DTWD2: variants seen among roughly 807,000 people sequenced by gnomAD.
DTWD2 encodes tRNA-uridine aminocarboxypropyltransferase 2.
DTWD2 carries 39 observed loss-of-function variants against 31.8 expected under a neutral mutation model. The ratio of observed to expected loss-of-function variants is 1.22; its 90% CI spans 0.95 to 1.60. The LOEUF (loss-of-function observed/expected upper bound fraction) is 1.60, where lower values mean the gene tolerates loss of function less well. Among genes scored for constraint, DTWD2 ranks in the 40% most tolerant of loss-of-function variants. DTWD2 has a pLI of 0.00. For synonymous variants in DTWD2, 180 were observed against 142.8 expected (o/e 1.26, Z -1.86); for missense variants, 515 against 381.5 (o/e 1.35, Z -2.92).
chr5:118,925,518 T>G (rs1269096339), intron 4 of DTWD2, among the ~76,000 whole-genome samples: 1 of 152,140 alleles, frequency 6.6e-6, no homozygotes, highest in Non-Finnish European at 1.5e-5. Context: ...ACTTAAGAAT[T>G]AAGAACTCAT....
chr5:118,944,633 A>T lies in DTWD2; in HGVS notation c.235T>A (p.Cys79Ser). The T allele has an allele frequency of 1.2e-6, 2 of 1,613,408 alleles. No homozygotes were observed. The highest frequency in any genetic ancestry group is 1.7e-6 in the Non-Finnish European group (2 of 1,179,706). ...TGCGCTGGGAGAAATGGACACAAACACACTTTCTGAGGCCGGCTAAAGGGT... is the reference window on the plus strand; with the variant it reads ...TGCGCTGGGAGAAATGGACACAAACTCACTTTCTGAGGCCGGCTAAAGGGT... ...CTRCSRPQKV[C>S]LCPFLPAHPL... is the part of the protein sequence containing the mutation. Residue 79 changes from cysteine (C) to serine (S), a missense_variant, in exon 2 of 6, where the codon TGT (cysteine) becomes AGT (serine). By Grantham distance (112) the Cys-to-Ser change is moderately radical. Coordinates refer to ENST00000510708, the MANE Select transcript of DTWD2 (RefSeq NM_173666.4).
At chr5:118,966,292 T>C (rs575173279) in intron 1 of DTWD2, among the ~76,000 whole-genome samples, 3 of 152,364 alleles carry the variant, frequency 2.0e-5, no homozygotes, top group Non-Finnish European at 2.9e-5. Context: ...TAAAAAAGCA[T>C]TGAACAGTTA....
chr5:118,954,773 G>A (rs767042224), intron 1 of DTWD2, among the ~76,000 whole-genome samples: 26 of 151,940 alleles, frequency 1.7e-4, no homozygotes, highest in Admixed American at 2.6e-4. Context: ...CACCTGCTTC[G>A]GCCTCCCAAA....
At chr5:118,979,904 T>C (rs1341583132) in intron 1 of DTWD2, among the ~76,000 whole-genome samples, 1 of 152,204 alleles carries the variant, frequency 6.6e-6, no homozygotes, top group Non-Finnish European at 1.5e-5. Context: ...CTGGGCTTAA[T>C]ACCTAGGGGA....
At chr5:118,886,319 T>TA (rs1752866885) in intron 4 of DTWD2, among the ~76,000 whole-genome samples, 1 of 152,222 alleles carries the variant, frequency 6.6e-6, no homozygotes, top group Non-Finnish European at 1.5e-5. Context: ...CTTCCTCAGT[T>TA]ATCTTGTAGT....
rs552831585 is a variant in DTWD2, at chr5:118,965,745, CG to C, written c.219-21097del. Among the ~76,000 whole-genome samples, 634 of 152,156 alleles carry C rather than the reference CG, an allele frequency of 4.2e-3. 7 individuals carry two copies. Among genetic ancestry groups the C allele is most frequent in the African/African-American group, 0.014 (595 of 41,496 alleles). ...AACAGATGCCTGAAGGCAGCATGCT[CG>C]TTAAGAGTCATCACCACTCCCTAAT... On this transcript the variant is annotated intron_variant, in intron 1 of 5. Transcript: ENST00000510708.
intron 4 of DTWD2, among the ~76,000 whole-genome samples, chr5:118,852,658 G>A (rs1752037862): frequency 6.6e-6 from 1 of 152,060 alleles, no homozygotes; most frequent in Non-Finnish European, 1.5e-5. Flanking sequence ...AAAGCGGTGT[G>A]GTGATTTCTC....
At chr5:118,959,390 C>G (rs961832061) in intron 1 of DTWD2, among the ~76,000 whole-genome samples, 5 of 151,956 alleles carry the variant, frequency 3.3e-5, no homozygotes, top group Admixed American at 3.3e-4. Flanking sequence ...TATAGCTAAC[C>G]AAGGAGGTAA....
At chr5:118,988,054 C>T in intron 1 of DTWD2, 3 of 709,902 alleles carry the variant, frequency 4.2e-6, no homozygotes, top group South Asian at 3.0e-5. Flanking sequence ...CTGATGTCTG[C>T]TCATCCCATG....
chr5:118,848,037 T>TA (rs1751899767), intron 5 of DTWD2, 53 bp downstream of exon 5: 1 of 1,437,034 alleles, frequency 7.0e-7, no homozygotes, highest in African/African-American at 1.5e-5. Context: ...ATCTTCTAGG[T>TA]AAAATCTAAG....
At chr5:118,973,653 TCGCGGCAGC>T in intron 1 of DTWD2, 1 of 801,696 alleles carries the variant, frequency 1.2e-6, no homozygotes, top group African/African-American at 1.7e-5. Context: ...GCCTCCTTGC[TCGCGGCAGC>T]CTCCTTGCTC....
intron 2 of DTWD2, 29 bp downstream of exon 2, chr5:118,944,530 T>C (rs759390942): frequency 6.2e-6 from 10 of 1,601,276 alleles, no homozygotes; most frequent in Non-Finnish European, 8.6e-6. Flanking sequence ...CATATTCTAT[T>C]TGAAATCCTG....
intron 4 of DTWD2, among the ~76,000 whole-genome samples, chr5:118,895,927 T>C (rs1171286656): frequency 6.6e-6 from 1 of 152,196 alleles, no homozygotes. Context: ...ACAATTTGTT[T>C]AAGGAATAAA....
intron 4 of DTWD2, among the ~76,000 whole-genome samples, chr5:118,861,106 C>T (rs1024473459): frequency 6.6e-6 from 1 of 152,182 alleles, no homozygotes; most frequent in Admixed American, 6.5e-5. Context: ...AATGCCTTCA[C>T]ATAGAAGGGT....
intron 4 of DTWD2, among the ~76,000 whole-genome samples, chr5:118,915,596 G>A (rs1031833250): frequency 2.6e-5 from 4 of 152,014 alleles, no homozygotes; most frequent in East Asian, 1.9e-4. Flanking sequence ...GGATGGTCTC[G>A]ATCTCCTGAC....
intron 4 of DTWD2, among the ~76,000 whole-genome samples, chr5:118,855,475 A>C (rs1284003381): frequency 6.6e-6 from 1 of 151,990 alleles, no homozygotes; most frequent in East Asian, 1.9e-4. Flanking sequence ...ACTGTTTGAT[A>C]ATACTGCATA....
intron 4 of DTWD2, among the ~76,000 whole-genome samples, chr5:118,900,786 G>C (rs765378608): frequency 6.6e-6 from 1 of 152,018 alleles, no homozygotes; most frequent in African/African-American, 2.4e-5. Context: ...TTAGCCAGGC[G>C]TGGTGGCAGA....
At chr5:118,903,432 T>C (rs1753259869) in intron 4 of DTWD2, among the ~76,000 whole-genome samples, 1 of 152,074 alleles carries the variant, frequency 6.6e-6, no homozygotes, top group Admixed American at 6.5e-5. Context: ...TGCTTTTTCT[T>C]GCAATATCAA....
At chr5:118,882,320 G>A (rs1170173553) in intron 4 of DTWD2, among the ~76,000 whole-genome samples, 1 of 152,236 alleles carries the variant, frequency 6.6e-6, no homozygotes, top group Non-Finnish European at 1.5e-5. Context: ...CTGTGGCTCT[G>A]CAGGGCACAG....
Sources: allele counts gnomAD v4.1 joint callset (sites outside exome capture counted in the v4.1 genomes callset), GRCh38; gene constraint gnomAD v4.1.1; transcripts MANE v1.5; gene names NCBI Gene and HGNC (gene_info 2026-07-23, HGNC 2026-07-21).